INPP4B: variants seen among roughly 807,000 people sequenced by gnomAD.
INPP4B encodes inositol polyphosphate 4-phosphatase type II.
In INPP4B, 55 loss-of-function variants were observed where a neutral mutation model predicts 122.5. The ratio of observed to expected loss-of-function variants is 0.45; its 90% CI spans 0.36 to 0.56. The LOEUF (loss-of-function observed/expected upper bound fraction) is 0.56, where lower values mean the gene tolerates loss of function less well. INPP4B is among the 20% of genes least tolerant of loss of function. The probability of loss-of-function intolerance (pLI) is 0.00; values close to 1 mark genes in which losing one functional copy is unlikely to be tolerated. For synonymous variants in INPP4B, 403 were observed against 388.7 expected (o/e 1.04, Z -0.43); for missense variants, 1,000 against 1,097.7 (o/e 0.91, Z 1.26).
chr4:142,207,754 T>C (rs1375163499), intron 14 of INPP4B, among the ~76,000 whole-genome samples: 1 of 152,126 alleles, frequency 6.6e-6, no homozygotes, highest in East Asian at 1.9e-4. Context: ...GCATAATTGC[T>C]ATAGCAATAA....
chr4:142,644,753 A>T lies in INPP4B; in HGVS notation c.-191+81086T>A, dbSNP rs1327965674. Among the ~76,000 whole-genome samples, 4 of 146,036 alleles carry T rather than the reference A, an allele frequency of 2.7e-5. No homozygotes were observed. In the East Asian group the frequency reaches 6.1e-4, roughly 22 times the overall value. On this transcript the variant is annotated intron_variant, in intron 2 of 25. Coordinates refer to ENST00000262992, the MANE Select transcript of INPP4B (RefSeq NM_001101669.3). The stretch of plus-strand genomic sequence containing the variant: ...CCCATCTCTACTTAAAAAAAAAAAA[A>T]AAAAAAAAAAAAAATTGGCACAGTG...
chr4:142,101,514 C>G (rs1044276398), intron 23 of INPP4B, among the ~76,000 whole-genome samples: 5 of 152,124 alleles, frequency 3.3e-5, no homozygotes, highest in Admixed American at 6.6e-5. Flanking sequence ...GTGATATTAT[C>G]CTTTTCTAGT....
intron 2 of INPP4B, among the ~76,000 whole-genome samples, chr4:142,609,582 A>G (rs1168892201): frequency 2.0e-5 from 3 of 152,158 alleles, no homozygotes; most frequent in Non-Finnish European, 4.4e-5. Context: ...AATACTTCTA[A>G]TATTGTCTCC....
intron 2 of INPP4B, among the ~76,000 whole-genome samples, chr4:142,624,579 G>A (rs1289367202): frequency 2.0e-5 from 3 of 152,054 alleles, no homozygotes; most frequent in Non-Finnish European, 4.4e-5. Context: ...CATTCCTTCT[G>A]AAACTATTCC....
At chr4:142,184,917 A>G (rs1352964723) in intron 15 of INPP4B, among the ~76,000 whole-genome samples, 1 of 152,192 alleles carries the variant, frequency 6.6e-6, no homozygotes, top group Non-Finnish European at 1.5e-5. Flanking sequence ...TTCTCCTGCA[A>G]GCAAGAGGCA....
chr4:142,344,050 C>A (rs1041828060), intron 7 of INPP4B, among the ~76,000 whole-genome samples: 5 of 152,004 alleles, frequency 3.3e-5, no homozygotes. Context: ...CAAGATGTCA[C>A]CATTCAGCCA....
At chr4:142,097,319 A>C (rs2152610980) in intron 23 of INPP4B, among the ~76,000 whole-genome samples, 1 of 151,062 alleles carries the variant, frequency 6.6e-6, no homozygotes, top group South Asian at 2.1e-4. Flanking sequence ...CAATGGCGTG[A>C]TCTTGGCTCA....
intron 7 of INPP4B, among the ~76,000 whole-genome samples, chr4:142,357,028 G>A (rs1017976976): frequency 6.6e-6 from 1 of 152,016 alleles, no homozygotes; most frequent in Non-Finnish European, 1.5e-5. Context: ...ACATACAAAA[G>A]CTCTTGCACA....
At chr4:142,087,999 T>C (rs112006100) in intron 23 of INPP4B, among the ~76,000 whole-genome samples, 2 of 152,200 alleles carry the variant, frequency 1.3e-5, no homozygotes, top group African/African-American at 2.4e-5. Flanking sequence ...CATGATTCCA[T>C]TGAATTTGTT....
At chr4:142,721,917 CT>C (rs1764741641) in intron 2 of INPP4B, among the ~76,000 whole-genome samples, 1 of 152,084 alleles carries the variant, frequency 6.6e-6, no homozygotes, top group Non-Finnish European at 1.5e-5. Flanking sequence ...ACAAAGAGAT[CT>C]TTTAGTCTTT....
chr4:142,726,271 A>G (rs117267975), intron 1 of INPP4B, among the ~76,000 whole-genome samples: 2 of 152,214 alleles, frequency 1.3e-5, no homozygotes, highest in East Asian at 3.8e-4. Flanking sequence ...CTTGGAATAC[A>G]ATGGACTGAA....
At chr4:142,802,111 A>G (rs12509304) in intron 1 of INPP4B, among the ~76,000 whole-genome samples, 45,943 of 151,946 alleles carry the variant, frequency 0.3, 7,116 homozygotes, top group South Asian at 0.41. Context: ...TTGGCTTTCA[A>G]GTATTGAGGC....
intron 2 of INPP4B, among the ~76,000 whole-genome samples, chr4:142,507,886 T>A (rs1041845684): frequency 6.6e-6 from 1 of 152,194 alleles, no homozygotes; most frequent in Non-Finnish European, 1.5e-5. Context: ...AGATTCATTC[T>A]AATTATGTAA....
chr4:142,157,308 T>C (rs1204373214), intron 17 of INPP4B, among the ~76,000 whole-genome samples: 2 of 152,182 alleles, frequency 1.3e-5, no homozygotes, highest in Non-Finnish European at 2.9e-5. Flanking sequence ...AAGGGATTTC[T>C]ATCCTCTGAT....
rs147486265 is a variant in INPP4B, at chr4:142,128,895, G to A, written c.1721-4135C>T. ...TAAAAGAGCCAAATATCAACCAACT[G>A]TAGCAGAGCATCATGCTTTCTTCAC... On this transcript the variant is annotated intron_variant, in intron 18 of 25. Coordinates refer to ENST00000262992, the MANE Select transcript of INPP4B (RefSeq NM_001101669.3). 4.0e-3 allele frequency among the ~76,000 whole-genome samples: 607 copies of A among 152,258 alleles called. 3 individuals are homozygous for A. Among genetic ancestry groups the A allele is most frequent in the Middle Eastern group, 0.017 (5 of 294 alleles).
intron 10 of INPP4B, among the ~76,000 whole-genome samples, chr4:142,263,907 C>T (rs188353971): frequency 1.3e-5 from 2 of 151,708 alleles, no homozygotes; most frequent in Admixed American, 6.6e-5. Flanking sequence ...GAGTTGGCAA[C>T]GTACCTGAAA....
intron 9 of INPP4B, among the ~76,000 whole-genome samples, chr4:142,285,174 T>C (rs1290871082): frequency 6.6e-6 from 1 of 151,724 alleles, no homozygotes; most frequent in Non-Finnish European, 1.5e-5. Flanking sequence ...TTGGGATTAA[T>C]GATGAGATCT....
At chr4:142,226,778 G>C (rs1851773004) in intron 12 of INPP4B, among the ~76,000 whole-genome samples, 1 of 152,132 alleles carries the variant, frequency 6.6e-6, no homozygotes, top group Non-Finnish European at 1.5e-5. Context: ...ATGGGCTTGG[G>C]CTAAATTGTG....
chr4:142,217,059 C>T (rs1201535976), intron 12 of INPP4B, among the ~76,000 whole-genome samples: 2 of 152,008 alleles, frequency 1.3e-5, no homozygotes, highest in Non-Finnish European at 2.9e-5. Flanking sequence ...CTTTACTGTA[C>T]CCACCCAGTA....
Sources: gnomAD v4.1 joint callset for allele counts (sites outside exome capture counted in the v4.1 genomes callset) on GRCh38, gnomAD v4.1.1 for gene constraint, MANE v1.5 for transcripts, NCBI Gene and HGNC (gene_info 2026-07-23, HGNC 2026-07-21) for gene names.